The following PPIP5K1 variants were observed in gnomAD, a reference collection of about 807,000 sequenced individuals.
The protein encoded by PPIP5K1 is inositol hexakisphosphate and diphosphoinositol-pentakisphosphate kinase 1.
A neutral mutation model predicts 27.7 loss-of-function variants in PPIP5K1; 6 were observed. The ratio of observed to expected loss-of-function variants is 0.22; its 90% CI spans 0.12 to 0.43. The LOEUF (loss-of-function observed/expected upper bound fraction) is 0.43, where lower values mean the gene tolerates loss of function less well. PPIP5K1 is among the 20% of genes least tolerant of loss of function. The pLI, the probability that PPIP5K1 is intolerant of heterozygous loss-of-function variation, is 1.00. For synonymous variants in PPIP5K1, 145 were observed against 242.6 expected, an observed-to-expected ratio of 0.60 and a Z score of 3.74; for missense variants, 394 against 635.4, an observed-to-expected ratio of 0.62 and a Z score of 4.08.
intron 30 of PPIP5K1, among the ~76,000 whole-genome samples, chr15:43,541,588 G>C (rs1276899473): frequency 6.6e-6 from 1 of 151,980 alleles, no homozygotes; most frequent in Non-Finnish European, 1.5e-5. Flanking sequence ...GTGGTGGTGG[G>C]CGCCTGTAAT....
At chr15:43,544,631 C>T (rs189424509) in intron 30 of PPIP5K1, among the ~76,000 whole-genome samples, 2 of 152,126 alleles carry the variant, frequency 1.3e-5, no homozygotes, top group African/African-American at 4.8e-5. Flanking sequence ...CTTGTCTCTA[C>T]AAAAAATTTT....
Position 43,550,834 on chromosome 15 carries a change from A to G in PPIP5K1, c.3556+7961T>C, listed in dbSNP as rs190598330. On this transcript the variant is annotated intron_variant, in intron 30 of 31. Coordinates refer to ENST00000420765, the MANE Select transcript of PPIP5K1 (RefSeq NM_001394395.1). ...CATGAAAGGGTGTTGGATTTTGTCA[A>G]ATGTTTTTCTGTGTCAACTTAGATG... Among the ~76,000 whole-genome samples, 5 of 152,272 alleles carry G rather than the reference A, an allele frequency of 3.3e-5. No individual in the cohort carries two copies. The East Asian group carries it at 9.6e-4, about 29-fold the overall frequency.
chr15:43,567,397 CAT>C (rs1439919674), intron 26 of PPIP5K1, among the ~76,000 whole-genome samples: 11 of 2,086 alleles, frequency 5.3e-3, no homozygotes, highest in Middle Eastern at 0.25. Context: ...GGATTATAGG[CAT>C]GAGCCACTGC....
At chr15:43,538,357 G>A (rs946617492) in intron 31 of PPIP5K1, among the ~76,000 whole-genome samples, 1 of 152,204 alleles carries the variant, frequency 6.6e-6, no homozygotes, top group Non-Finnish European at 1.5e-5. Context: ...AACTCTGTGT[G>A]GCTCCACTGT....
intron 30 of PPIP5K1, among the ~76,000 whole-genome samples, chr15:43,555,052 G>T (rs1209182109): frequency 2.6e-5 from 4 of 151,930 alleles, no homozygotes; most frequent in African/African-American, 9.7e-5. Context: ...GGCCAGGCTG[G>T]TCTTGAACTC....
rs756726760 is a variant in PPIP5K1 at position 43,534,537 on chromosome 15, G to A, written c.*137C>T. On this transcript the variant is annotated 3_prime_UTR_variant, in exon 32 of 32. Coordinates refer to ENST00000420765, the MANE Select transcript of PPIP5K1 (RefSeq NM_001394395.1). Reference sequence around the variant, plus strand: ...CCACTAATGAGAAAATTAATCACATGTTGCTGGTGGAAGGGGTGAGTGCTG... The same window carrying A: ...CCACTAATGAGAAAATTAATCACATATTGCTGGTGGAAGGGGTGAGTGCTG... 60 of 735,128 alleles carry A rather than the reference G, an allele frequency of 8.2e-5. No individual in the cohort carries two copies. The highest frequency in any genetic ancestry group is 1.1e-4 in the Non-Finnish European group (52 of 462,408). 45.5% of individuals were successfully genotyped at this position (735,128 alleles called of 1,614,324 possible). A position where few individuals can be genotyped will look rare whatever the true frequency, so the allele number is the denominator to read the frequency against.
chr15:43,541,177 G>A (rs2080647916), intron 30 of PPIP5K1, among the ~76,000 whole-genome samples: 2 of 152,048 alleles, frequency 1.3e-5, no homozygotes, highest in South Asian at 4.1e-4. Context: ...GCAGTGGTGT[G>A]ATCACAGCTC....
chr15:43,547,509 T>G (rs921315797), intron 30 of PPIP5K1, among the ~76,000 whole-genome samples: 3 of 152,350 alleles, frequency 2.0e-5, no homozygotes, highest in South Asian at 2.1e-4. Context: ...AGGTCATTGA[T>G]CCATTTTGAG....
chr15:43,534,346 C>CT lies in PPIP5K1; in HGVS notation c.*327_*328insA. On this transcript the variant is annotated 3_prime_UTR_variant, in exon 32 of 32. Transcript: ENST00000420765. Reference sequence around the variant, plus strand: ...TCAAGTCTAATGGCTAAGTGAGGAGCCAATGGCTTCTTCGAACCTAAAACT... The same window carrying CT: ...TCAAGTCTAATGGCTAAGTGAGGAGCTCAATGGCTTCTTCGAACCTAAAACT... 1 of 217,384 alleles carries CT rather than the reference C, an allele frequency of 4.6e-6. No homozygotes were observed. Among genetic ancestry groups the CT allele is most frequent in the South Asian group, 1.7e-4 (1 of 5,996 alleles). 13.5% of individuals were successfully genotyped at this position (217,384 alleles called of 1,614,324 possible).
chr15:43,553,471 T>G (rs961977418), intron 30 of PPIP5K1, among the ~76,000 whole-genome samples: 1 of 152,130 alleles, frequency 6.6e-6, no homozygotes, highest in East Asian at 1.9e-4. Flanking sequence ...GCCCCTCGGA[T>G]AGCTGGGACT....
At chr15:43,567,406 CTGCGCCTGG>C (rs2084235846) in intron 26 of PPIP5K1, among the ~76,000 whole-genome samples, 1 of 7,470 alleles carries the variant, frequency 1.3e-4, no homozygotes, top group Non-Finnish European at 2.3e-4. Flanking sequence ...GCATGAGCCA[CTGCGCCTGG>C]CCAGATCTAC....
rs1487175423 is a variant in PPIP5K1, at chr15:43,549,042, AAAAAAAAAAAAAAAATATATATAT to A, written c.3557-9483_3557-9460del. The stretch of plus-strand genomic sequence containing the variant: ...GACTCCATCTCAAAAAAAAAAAAAA[AAAAAAAAAAAAAAAATATATATAT>A]ATATATATATATATACATATATATA... On this transcript the variant is annotated intron_variant, in intron 30 of 31. Coordinates refer to ENST00000420765, the MANE Select transcript of PPIP5K1 (RefSeq NM_001394395.1). Among the ~76,000 whole-genome samples, 30 of 91,652 alleles carry A rather than the reference AAAAAAAAAAAAAAAATATATATAT, an allele frequency of 3.3e-4. 1 individual carries two copies. The highest frequency in any genetic ancestry group is 2.0e-3 in the African/African-American group (26 of 12,780). 60.1% of individuals were successfully genotyped at this position (91,652 alleles called of 152,430 possible). A position where few individuals can be genotyped will look rare whatever the true frequency, so the allele number is the denominator to read the frequency against.
chr15:43,552,969 G>T (rs1343349148), intron 30 of PPIP5K1, among the ~76,000 whole-genome samples: 1 of 152,108 alleles, frequency 6.6e-6, no homozygotes, highest in Non-Finnish European at 1.5e-5. Context: ...TTGAATGCAG[G>T]AGGTTGCAGT....
intron 31 of PPIP5K1, among the ~76,000 whole-genome samples, chr15:43,538,389 C>T (rs1289880435): frequency 6.6e-6 from 1 of 152,158 alleles, no homozygotes; most frequent in Non-Finnish European, 1.5e-5. Context: ...CCAAAAATAA[C>T]TAGTGATAGA....
intron 31 of PPIP5K1, among the ~76,000 whole-genome samples, chr15:43,538,253 C>T (rs147107291): frequency 4.5e-4 from 69 of 152,228 alleles, no homozygotes; most frequent in African/African-American, 1.6e-3. Context: ...TCAGTTATTC[C>T]CCGGAGGCAG....
chr15:43,539,426 G>A (rs1335593663), intron 31 of PPIP5K1, 44 bp downstream of exon 31: 3 of 1,378,482 alleles, frequency 2.2e-6, no homozygotes, highest in East Asian at 4.8e-5. Context: ...AATCACTCCA[G>A]TCTTCATGAC....
At position 43,558,885 on chromosome 15, in the gene PPIP5K1, G is replaced by C; in HGVS notation, c.3466C>G (p.Leu1156Val). The part of the protein sequence containing the change: ...MVPTIYPLET[L>V]HNALSLRQVS... ...TGACGTAGGGAAAGGGCATTATGCA[G>C]TGTTTCCAGAGGGTAGATGGTAGGC... is the stretch of plus-strand genomic sequence containing the variant. The change falls in exon 30 of 32, where the codon CTG becomes GTG. Residue 1156 changes from leucine (L) to valine (V), a missense_variant. Transcript: ENST00000420765. 1.2e-6 allele frequency: 2 copies of C among 1,614,006 alleles called. No individual in the cohort carries two copies. Among genetic ancestry groups the C allele is most frequent in the African/African-American group, 2.7e-5 (2 of 75,024 alleles).
chr15:43,581,139 G>C lies in PPIP5K1; in HGVS notation c.940-16C>G. 1 of 1,556,784 alleles carries C rather than the reference G, an allele frequency of 6.4e-7. No homozygotes were observed. Among genetic ancestry groups the C allele is most frequent in the Non-Finnish European group, 8.6e-7 (1 of 1,164,554 alleles). ...AAACTGTTTGCTGCAAGGAAAAGAA[G>C]AAAGATGAGAACAAGACAGTTACTC... On this transcript the variant is annotated splice_polypyrimidine_tract_variant and intron_variant, in intron 9 of 31. Transcript: ENST00000420765.
intron 31 of PPIP5K1, chr15:43,537,406 A>AAGC (rs999437503): frequency 6.2e-5 from 21 of 337,010 alleles, no homozygotes; most frequent in Admixed American, 5.7e-4. Flanking sequence ...GCAGAAAAAG[A>AAGC]AGCCAGACGC....
Sources: gnomAD v4.1 joint callset for allele counts (sites outside exome capture counted in the v4.1 genomes callset) on GRCh38, gnomAD v4.1.1 for gene constraint, MANE v1.5 for transcripts, NCBI Gene and HGNC (gene_info 2026-07-23, HGNC 2026-07-21) for gene names.